ZC2HC1B: variants seen among roughly 807,000 people sequenced by gnomAD.
ZC2HC1B encodes the protein zinc finger C2HC-type containing 1B.
A neutral mutation model predicts 31.0 loss-of-function variants in ZC2HC1B; 36 were observed. That is an observed-to-expected ratio of 1.16 (90% CI 0.89 to 1.54). The LOEUF (loss-of-function observed/expected upper bound fraction) is 1.54. ZC2HC1B is among the 40% of genes most tolerant of loss of function. The probability of loss-of-function intolerance (pLI) is 0.00; values close to 1 mark genes in which losing one functional copy is unlikely to be tolerated. For missense variants in ZC2HC1B, 260 were observed against 268.6 expected (o/e 0.97, Z 0.22); for synonymous variants, 73 against 88.0 (o/e 0.83, Z 0.95).
chr6:143,870,622 T>C lies in ZC2HC1B; in HGVS notation c.28+6055T>C, dbSNP rs1375838767. On this transcript the variant is annotated intron_variant, in intron 1 of 7. Transcript: ENST00000237275. The surrounding 1 kb of genome is among the most constrained non-coding windows in gnomAD (Gnocchi z 4.7). ...TCAGTTCATGATAGGCAGGTCAGGT[T>C]GCATGGTGACTTGATGACCCACAGT... 1.3e-5 allele frequency among the ~76,000 whole-genome samples: 2 copies of C among 152,198 alleles called. No homozygotes were observed. Among genetic ancestry groups the C allele is most frequent in the African/African-American group, 4.8e-5 (2 of 41,448 alleles).
At chr6:143,935,169 A>G (rs1212887503) in intron 6 of ZC2HC1B, among the ~76,000 whole-genome samples, 1 of 151,318 alleles carries the variant, frequency 6.6e-6, no homozygotes, top group East Asian at 1.9e-4. Flanking sequence ...TCCATGGATG[A>G]TGTATGCAGG....
chr6:143,929,517 GA>G (rs1454431496), intron 6 of ZC2HC1B, among the ~76,000 whole-genome samples: 12 of 152,132 alleles, frequency 7.9e-5, no homozygotes, highest in Admixed American at 7.9e-4. Flanking sequence ...CTATGTTCAT[GA>G]AAGGTATTAG....
intron 4 of ZC2HC1B, among the ~76,000 whole-genome samples, chr6:143,890,398 CAAA>C (rs35848743): frequency 3.0e-4 from 19 of 63,214 alleles, no homozygotes; most frequent in African/African-American, 7.9e-4. Flanking sequence ...CAATACAATA[CAAA>C]AAAAAAAAAA....
At chr6:143,867,786 A>G (rs1777282914) in intron 1 of ZC2HC1B, among the ~76,000 whole-genome samples, 2 of 152,212 alleles carry the variant, frequency 1.3e-5, no homozygotes, top group African/African-American at 2.4e-5. Flanking sequence ...TCTGTCTCTA[A>G]TCACACACCT....
chr6:143,870,828 A>T lies in ZC2HC1B; in HGVS notation c.28+6261A>T, dbSNP rs1777327344. 6.6e-6 allele frequency among the ~76,000 whole-genome samples: 1 copy of T among 152,164 alleles called. No individual in the cohort carries two copies. The highest frequency in any genetic ancestry group is 1.5e-5 in the Non-Finnish European group (1 of 68,016). ...CATCGCCATCTGCCACTGACACCTC[A>T]AGTACCATTGGATCTGCTGGGTCAT... On this transcript the variant is annotated intron_variant, in intron 1 of 7. Coordinates refer to ENST00000237275, the MANE Select transcript of ZC2HC1B (RefSeq NM_001013623.3). This position sits in a 1 kb window ranked among gnomAD's most constrained non-coding sequence, Gnocchi z 4.7.
chr6:143,898,596 G>T lies in ZC2HC1B; in HGVS notation c.394G>T (p.Ala132Ser), dbSNP rs774209346. The T allele has an allele frequency of 1.3e-6, 2 of 1,551,616 alleles. No individual in the cohort carries two copies. The highest frequency in any genetic ancestry group is 1.7e-6 in the Non-Finnish European group (2 of 1,146,990). ...PYCMRRFNES[A>S]AERHTNFCKD... ...TTGTATGAGAAGGTTTAATGAAAGCGCAGCTGAGCGACATACTAATTTCTG... is the reference window on the plus strand; with the variant it reads ...TTGTATGAGAAGGTTTAATGAAAGCTCAGCTGAGCGACATACTAATTTCTG... The change falls in exon 5 of 8, where the codon GCA becomes TCA. Residue 132 changes from alanine (A) to serine (S), a missense_variant. Ala to Ser is a moderately conservative substitution (Grantham distance 99). Coordinates refer to ENST00000237275, the MANE Select transcript of ZC2HC1B (RefSeq NM_001013623.3).
In ZC2HC1B at chr6:143,899,398, C is replaced by CAGGGGCT. The variant is rs1228608096; in HGVS notation, c.489+708_489+714dup. On this transcript the variant is annotated intron_variant, in intron 5 of 7. Transcript: ENST00000237275. This position sits in a 1 kb window ranked among gnomAD's most constrained non-coding sequence, Gnocchi z 5.0. ...ACAGACTGTTTATTTATTTTTGAGA[C>CAGGGGCT]AGGGGCTCACTCTGTTGCCCAGGCT... Among the ~76,000 whole-genome samples the CAGGGGCT allele has an allele frequency of 1.3e-5, 2 of 152,130 alleles. No homozygotes were observed. The highest frequency in any genetic ancestry group is 3.8e-4 in the East Asian group (2 of 5,200).
chr6:143,909,371 T>G (rs1777833169), intron 6 of ZC2HC1B, among the ~76,000 whole-genome samples: 1 of 152,040 alleles, frequency 6.6e-6, no homozygotes, highest in Non-Finnish European at 1.5e-5. Flanking sequence ...CACTCCAGCC[T>G]GGGTGACAGA....
chr6:143,883,092 T>C lies in ZC2HC1B; in HGVS notation c.29-1212T>C, dbSNP rs913511213. Among the ~76,000 whole-genome samples, 1 of 152,120 alleles carries C rather than the reference T, an allele frequency of 6.6e-6. No individual in the cohort carries two copies. Among genetic ancestry groups the C allele is most frequent in the Non-Finnish European group, 1.5e-5 (1 of 68,012 alleles). ...TCTTGCTCTGTCTCCCAGGCTGGAG[T>C]GCAGTGTTATGATCATGGCTCACTG... On this transcript the variant is annotated intron_variant, in intron 1 of 7. Transcript: ENST00000237275. The surrounding 1 kb of genome is among the most constrained non-coding windows in gnomAD (Gnocchi z 4.1).
At chr6:143,932,331 T>C (rs748071949) in intron 6 of ZC2HC1B, among the ~76,000 whole-genome samples, 20 of 152,246 alleles carry the variant, frequency 1.3e-4, no homozygotes, top group Non-Finnish European at 2.9e-4. Flanking sequence ...TCAAACTTCT[T>C]GGAGGCTTTG....
chr6:143,879,444 T>C (rs1193944397), intron 1 of ZC2HC1B, among the ~76,000 whole-genome samples: 1 of 152,206 alleles, frequency 6.6e-6, no homozygotes, highest in Admixed American at 6.5e-5. Flanking sequence ...TTTCTTATCT[T>C]ATGACTTATG....
chr6:143,875,868 C>T (rs7773870), intron 1 of ZC2HC1B, among the ~76,000 whole-genome samples: 51,774 of 149,914 alleles, frequency 0.35, 11,717 homozygotes, highest in African/African-American at 0.55. Context: ...GACAGCAGCA[C>T]GGGTCGGAGA....
At chr6:143,882,330 T>TATA (rs1491352093) in intron 1 of ZC2HC1B, among the ~76,000 whole-genome samples, 24 of 91,736 alleles carry the variant, frequency 2.6e-4, no homozygotes, top group African/African-American at 1.2e-3. Context: ...ATATTTTATA[T>TATA]TTTTTATATA....
chr6:143,917,898 TA>T lies in ZC2HC1B; in HGVS notation c.598+14748del, dbSNP rs1269621669. On this transcript the variant is annotated intron_variant, in intron 6 of 7. Coordinates refer to ENST00000237275, the MANE Select transcript of ZC2HC1B (RefSeq NM_001013623.3). This position sits in a 1 kb window ranked among gnomAD's most constrained non-coding sequence, Gnocchi z 4.1. Reference sequence around the variant, plus strand: ...GTTACAGTACTAGTTTTTAGACTAATAATTGTTTTTTAAAATGTGTTAGTCT... The same window carrying T: ...GTTACAGTACTAGTTTTTAGACTAATATTGTTTTTTAAAATGTGTTAGTCT... Among the ~76,000 whole-genome samples, 1 of 152,256 alleles carries T rather than the reference TA, an allele frequency of 6.6e-6. No homozygotes were observed. The highest frequency in any genetic ancestry group is 2.4e-5 in the African/African-American group (1 of 41,478).
rs1251076273 is a variant in ZC2HC1B at position 143,913,296 on chromosome 6, C to T, written c.598+10144C>T. On this transcript the variant is annotated intron_variant, in intron 6 of 7. Transcript: ENST00000237275. This position sits in a 1 kb window ranked among gnomAD's most constrained non-coding sequence, Gnocchi z 5.7. ...CTGCTGTGTTGTACTTCTAGGGAAA[C>T]CCTTCCTTGTCTGGACGGTTTCGAC... 6.6e-6 allele frequency among the ~76,000 whole-genome samples: 1 copy of T among 152,198 alleles called. No homozygotes were observed. Among genetic ancestry groups the T allele is most frequent in the Non-Finnish European group, 1.5e-5 (1 of 68,050 alleles).
rs1172858397 is a variant in ZC2HC1B, at chr6:143,920,034, T to C, written c.598+16882T>C. ...AATTTAAATTGTATGTGTATTCATT[T>C]GGTAAAACTTTTACCAATAAGCTTT... On this transcript the variant is annotated intron_variant, in intron 6 of 7. Transcript: ENST00000237275. Among the ~76,000 whole-genome samples, 3 of 152,332 alleles carry C rather than the reference T, an allele frequency of 2.0e-5. No homozygotes were observed. The East Asian group carries it at 5.8e-4, about 29-fold the overall frequency.
rs975364144 is a variant in ZC2HC1B, at chr6:143,903,174, A to T, written c.598+22A>T. On this transcript the variant is annotated intron_variant, in intron 6 of 7. Transcript: ENST00000237275. This position sits in a 1 kb window ranked among gnomAD's most constrained non-coding sequence, Gnocchi z 4.3. ...TCAGGTGAGTCAAAGCACGCATTTC[A>T]TCTCTCAAATGATGGGGGTCAGAGG... 1.7e-5 allele frequency: 26 copies of T among 1,542,558 alleles called. No individual in the cohort carries two copies. Among genetic ancestry groups the T allele is most frequent in the Non-Finnish European group, 2.1e-5 (24 of 1,138,430 alleles).
chr6:143,895,942 G>A lies in ZC2HC1B; in HGVS notation c.350-2610G>A, dbSNP rs764667. On this transcript the variant is annotated intron_variant, in intron 4 of 7. Coordinates refer to ENST00000237275, the MANE Select transcript of ZC2HC1B (RefSeq NM_001013623.3). This position sits in a 1 kb window ranked among gnomAD's most constrained non-coding sequence, Gnocchi z 4.8. The stretch of plus-strand genomic sequence containing the variant: ...TTGATAGAGGAAGAGAGGTGACTCC[G>A]ATTGAGCTGAGTGTAGAACATGTAG... Among the ~76,000 whole-genome samples the A allele has an allele frequency of 0.028, 4,242 of 152,314 alleles. 111 individuals are homozygous for A. Among genetic ancestry groups the A allele is most frequent in the Admixed American group, 0.075 (1,146 of 15,280 alleles).
At chr6:143,906,975 T>A (rs1222016641) in intron 6 of ZC2HC1B, among the ~76,000 whole-genome samples, 1 of 152,138 alleles carries the variant, frequency 6.6e-6, no homozygotes, top group Non-Finnish European at 1.5e-5. Context: ...TGTTCTCCAC[T>A]ATGTGTCCAT....
Sources: gnomAD v4.1 joint callset for allele counts (sites outside exome capture counted in the v4.1 genomes callset) on GRCh38, gnomAD v4.1.1 for gene constraint, Gnocchi (gnomAD v3.1) non-coding constraint, MANE v1.5 for transcripts, NCBI Gene and HGNC (gene_info 2026-07-23, HGNC 2026-07-21) for gene names.